The following CSMD1 variants were observed in gnomAD, a reference collection of about 807,000 sequenced individuals.
The protein encoded by CSMD1 is CUB and Sushi multiple domains 1.
A neutral mutation model predicts 417.5 loss-of-function variants in CSMD1; 213 were observed. The ratio of observed to expected loss-of-function variants is 0.51; its 90% CI spans 0.46 to 0.57. CSMD1 has a LOEUF of 0.57. Among genes scored for constraint, CSMD1 ranks in the 20% least tolerant of loss-of-function variants. The probability of loss-of-function intolerance (pLI) is 0.00; values close to 1 mark genes in which losing one functional copy is unlikely to be tolerated. For missense variants in CSMD1, 6,923 were observed against 4,529.7 expected, an observed-to-expected ratio of 1.53 and a Z score of -15.17; for synonymous variants, 2,862 against 1,736.8, an observed-to-expected ratio of 1.65 and a Z score of -16.11.
At chr8:3,223,595 G>A in intron 28 of CSMD1, 134 bp downstream of exon 28, 2 of 832,896 alleles carry the variant, frequency 2.4e-6, no homozygotes, top group South Asian at 3.9e-5. Flanking sequence ...GCAGCCTGGT[G>A]TAGTCTCCAT....
chr8:3,699,946 GGTT>G (rs1563286236), intron 7 of CSMD1, among the ~76,000 whole-genome samples: 4 of 151,034 alleles, frequency 2.6e-5, no homozygotes, highest in Non-Finnish European at 5.9e-5. Flanking sequence ...TACATCCCTG[GGTT>G]ATATCCCATA....
chr8:3,807,364 G>T (rs1030457792), intron 5 of CSMD1, among the ~76,000 whole-genome samples: 33 of 152,156 alleles, frequency 2.2e-4, no homozygotes, highest in African/African-American at 7.2e-4. Flanking sequence ...GATTAATCTG[G>T]GAATATTCCC....
At chr8:3,675,765 A>G (rs946927563) in intron 7 of CSMD1, among the ~76,000 whole-genome samples, 1 of 152,186 alleles carries the variant, frequency 6.6e-6, no homozygotes, top group Admixed American at 6.5e-5. Flanking sequence ...TGTGAGAAAT[A>G]TATGTCTGTT....
chr8:4,027,675 C>T (rs921944392), intron 4 of CSMD1, among the ~76,000 whole-genome samples: 5 of 152,200 alleles, frequency 3.3e-5, no homozygotes, highest in Middle Eastern at 3.4e-3. Context: ...AGCATGATAA[C>T]GGACTAATAC....
At chr8:3,595,621 A>C (rs1485055656) in intron 8 of CSMD1, among the ~76,000 whole-genome samples, 2 of 152,168 alleles carry the variant, frequency 1.3e-5, no homozygotes, top group African/African-American at 2.4e-5. Flanking sequence ...AAGCAACAGT[A>C]AGCTTGGAGT....
At chr8:3,850,683 C>A (rs933427296) in intron 5 of CSMD1, among the ~76,000 whole-genome samples, 4 of 151,632 alleles carry the variant, frequency 2.6e-5, no homozygotes, top group Non-Finnish European at 5.9e-5. Context: ...TGACAGAGTG[C>A]GACTCTGTCT....
intron 1 of CSMD1, among the ~76,000 whole-genome samples, chr8:4,711,725 C>T (rs1808310938): frequency 6.6e-6 from 1 of 151,774 alleles, no homozygotes; most frequent in African/African-American, 2.4e-5. Flanking sequence ...AATATAATTC[C>T]AGAATTTCCT....
chr8:4,253,631 G>A (rs1332393744), intron 3 of CSMD1, among the ~76,000 whole-genome samples: 2 of 152,072 alleles, frequency 1.3e-5, no homozygotes, highest in African/African-American at 2.4e-5. Flanking sequence ...CTGGAGGGAA[G>A]GGGCCAGATC....
intron 42 of CSMD1, among the ~76,000 whole-genome samples, chr8:3,116,812 C>CACA (rs1391511391): frequency 6.6e-6 from 1 of 151,716 alleles, no homozygotes; most frequent in Non-Finnish European, 1.5e-5. Flanking sequence ...AGTCTTCACA[C>CACA]CAAACTTGCA....
intron 5 of CSMD1, among the ~76,000 whole-genome samples, chr8:3,982,579 T>C (rs1383274800): frequency 1.3e-5 from 2 of 151,878 alleles, no homozygotes; most frequent in African/African-American, 4.8e-5. Flanking sequence ...GCCTAGTCAT[T>C]TAGAATTTCA....
chr8:3,351,509 G>C (rs1246438382), intron 21 of CSMD1, among the ~76,000 whole-genome samples: 1 of 151,132 alleles, frequency 6.6e-6, no homozygotes, highest in African/African-American at 2.4e-5. Context: ...TACTTCGGAG[G>C]CTGCTTGAAC....
chr8:3,361,603 G>C (rs1809178104), intron 20 of CSMD1, among the ~76,000 whole-genome samples: 1 of 125,778 alleles, frequency 8.0e-6, no homozygotes, highest in African/African-American at 3.0e-5. Context: ...AGTGAGCTGA[G>C]ATTGCACCAC....
chr8:3,300,390 TA>T (rs764175478), intron 25 of CSMD1, among the ~76,000 whole-genome samples: 4 of 152,130 alleles, frequency 2.6e-5, no homozygotes, highest in Non-Finnish European at 5.9e-5. Flanking sequence ...TTTATTATTT[TA>T]AAATTAAGAA....
chr8:4,593,979 A>T (rs1800127345), intron 2 of CSMD1, among the ~76,000 whole-genome samples: 1 of 151,856 alleles, frequency 6.6e-6, no homozygotes. Context: ...CCTGTGGAGG[A>T]CCCTTCTTGT....
chr8:3,053,005 C>A (rs1032448418), intron 49 of CSMD1, among the ~76,000 whole-genome samples: 1 of 152,170 alleles, frequency 6.6e-6, no homozygotes, highest in Non-Finnish European at 1.5e-5. Flanking sequence ...TGGTTGCCAA[C>A]TCCCAAACTC....
At chr8:4,104,141 G>A (rs1054448159) in intron 3 of CSMD1, among the ~76,000 whole-genome samples, 8 of 152,172 alleles carry the variant, frequency 5.3e-5, no homozygotes, top group African/African-American at 1.4e-4. Flanking sequence ...TCAGTCCCTC[G>A]TCTGCAGCAG....
At chr8:4,573,628 C>T (rs1798995283) in intron 2 of CSMD1, among the ~76,000 whole-genome samples, 1 of 152,096 alleles carries the variant, frequency 6.6e-6, no homozygotes. Context: ...GGCGGTCTTT[C>T]CCTTAGCAGA....
chr8:4,591,404 G>A (rs1563315668), intron 2 of CSMD1, among the ~76,000 whole-genome samples: 1 of 152,330 alleles, frequency 6.6e-6, no homozygotes, highest in East Asian at 1.9e-4. Context: ...AGGTGGAGAA[G>A]GGATGAAAGA....
chr8:4,198,312 A>T (rs1428632283), intron 3 of CSMD1, among the ~76,000 whole-genome samples: 1 of 152,258 alleles, frequency 6.6e-6, no homozygotes, highest in Non-Finnish European at 1.5e-5. Flanking sequence ...AGGGGCTGGC[A>T]AGCCCGACAA....
Sources: gnomAD v4.1 joint callset for allele counts (sites outside exome capture counted in the v4.1 genomes callset) on GRCh38, gnomAD v4.1.1 for gene constraint, MANE v1.5 for transcripts, NCBI Gene and HGNC (gene_info 2026-07-23, HGNC 2026-07-21) for gene names.